The following RFTN2 variants were observed in gnomAD, a reference collection of about 807,000 sequenced individuals.
RFTN2 encodes raftlin family member 2.
RFTN2 carries 34 observed loss-of-function variants against 52.7 expected under a neutral mutation model. The ratio of observed to expected loss-of-function variants is 0.64; its 90% CI spans 0.49 to 0.86. RFTN2 has a LOEUF of 0.86. Among genes scored for constraint, RFTN2 ranks in the 40% least tolerant of loss-of-function variants. The probability of loss-of-function intolerance (pLI) is 0.00; values close to 1 mark genes in which losing one functional copy is unlikely to be tolerated. For synonymous variants in RFTN2, 203 were observed against 217.7 expected, an observed-to-expected ratio of 0.93 and a Z score of 0.59; for missense variants, 536 against 600.1, an observed-to-expected ratio of 0.89 and a Z score of 1.12.
At chr2:197,618,061 C>T (rs920657390) in intron 5 of RFTN2, 140 bp from the exon 6 acceptor site, 20 of 421,444 alleles carry the variant, frequency 4.7e-5, no homozygotes, top group Admixed American at 1.8e-4. Context: ...CCTCCCCCTC[C>T]CCCTCTCCCT....
chr2:197,580,571 T>C (rs1356985057), intron 8 of RFTN2, among the ~76,000 whole-genome samples: 4 of 152,248 alleles, frequency 2.6e-5, no homozygotes, highest in African/African-American at 9.6e-5. Context: ...CCAGATCTTC[T>C]CAGCTTAAAG....
intron 4 of RFTN2, among the ~76,000 whole-genome samples, chr2:197,632,934 C>T (rs1401653181): frequency 6.6e-6 from 1 of 152,168 alleles, no homozygotes; most frequent in Non-Finnish European, 1.5e-5. Flanking sequence ...ACTTTGTAGA[C>T]ATTTCTTATT....
At chr2:197,594,899 A>G (rs1366159665) in intron 8 of RFTN2, among the ~76,000 whole-genome samples, 1 of 152,246 alleles carries the variant, frequency 6.6e-6, no homozygotes, top group Non-Finnish European at 1.5e-5. Context: ...GATAGTTTAG[A>G]TAACTTTAAA....
chr2:197,571,953 T>G lies in RFTN2; in HGVS notation c.*55A>C. ...AGAGAAAGTAATACAATAAGGTCAG[T>G]TGGCAATGATTTTAACAATTATTTA... On this transcript the variant is annotated 3_prime_UTR_variant, in exon 9 of 9. Transcript: ENST00000295049. The G allele has an allele frequency of 7.8e-6, 12 of 1,547,778 alleles. No homozygotes were observed. The highest frequency in any genetic ancestry group is 9.8e-6 in the Non-Finnish European group (11 of 1,123,606).
At chr2:197,657,600 A>G (rs1293041548) in intron 1 of RFTN2, among the ~76,000 whole-genome samples, 4 of 152,156 alleles carry the variant, frequency 2.6e-5, no homozygotes, top group African/African-American at 9.7e-5. Flanking sequence ...TCATTTACAC[A>G]TGGTTTTAAA....
At chr2:197,636,068 G>C (rs2088560586) in intron 3 of RFTN2, among the ~76,000 whole-genome samples, 2 of 150,840 alleles carry the variant, frequency 1.3e-5, no homozygotes, top group South Asian at 4.2e-4. Flanking sequence ...CGTTATTTCT[G>C]AGGGCTCTGT....
At chr2:197,605,688 A>C (rs2087950869) in intron 7 of RFTN2, among the ~76,000 whole-genome samples, 1 of 152,180 alleles carries the variant, frequency 6.6e-6, no homozygotes, top group African/African-American at 2.4e-5. Flanking sequence ...AGTAGACATC[A>C]CTAATTGAAT....
At chr2:197,611,419 T>C (rs994292903) in intron 7 of RFTN2, among the ~76,000 whole-genome samples, 2 of 152,338 alleles carry the variant, frequency 1.3e-5, no homozygotes, top group African/African-American at 4.8e-5. Flanking sequence ...TATAGTATTC[T>C]CTGATAGTAG....
intron 7 of RFTN2, among the ~76,000 whole-genome samples, chr2:197,603,433 C>G (rs1319855139): frequency 6.6e-6 from 1 of 152,120 alleles, no homozygotes; most frequent in Non-Finnish European, 1.5e-5. Flanking sequence ...ATAAAGGACT[C>G]TTTATCTGTT....
chr2:197,658,178 T>C (rs944885428), intron 1 of RFTN2, among the ~76,000 whole-genome samples: 1 of 86,696 alleles, frequency 1.2e-5, no homozygotes, highest in East Asian at 2.5e-4. Flanking sequence ...TTTTAAAAAA[T>C]ATTTTTTTTT....
rs2087302526 is a variant in RFTN2 at position 197,570,747 on chromosome 2, A to C, written c.*1261T>G. On this transcript the variant is annotated 3_prime_UTR_variant, in exon 9 of 9. Coordinates refer to ENST00000295049, the MANE Select transcript of RFTN2 (RefSeq NM_144629.3). ...TCCGTCTCAAAAAAAGCCACAAAAA[A>C]CCCCCAAACCAAACATATTATATGA... 6.6e-6 allele frequency: 1 copy of C among 152,042 alleles called. No individual in the cohort carries two copies. Among genetic ancestry groups the C allele is most frequent in the Non-Finnish European group, 1.5e-5 (1 of 68,004 alleles). The allele number at this position is 152,042 out of a possible 1,614,324, so 9.4% of individuals were successfully genotyped here. A position where few individuals can be genotyped will look rare whatever the true frequency, so the allele number is the denominator to read the frequency against.
chr2:197,584,744 C>G (rs977629622), intron 8 of RFTN2, among the ~76,000 whole-genome samples: 3 of 152,162 alleles, frequency 2.0e-5, no homozygotes, highest in Non-Finnish European at 4.4e-5. Context: ...CTACAGAGTA[C>G]AGTCCATTGA....
intron 8 of RFTN2, among the ~76,000 whole-genome samples, chr2:197,572,751 T>G (rs1016133416): frequency 1.3e-5 from 2 of 152,242 alleles, no homozygotes; most frequent in African/African-American, 4.8e-5. Context: ...GGTTTGGCTG[T>G]GTCCCCACCC....
At position 197,571,923 on chromosome 2, in the gene RFTN2, A is replaced by G; in HGVS notation, c.*85T>C. 1 of 1,404,076 alleles carries G rather than the reference A, an allele frequency of 7.1e-7. No individual in the cohort carries two copies. Among genetic ancestry groups the G allele is most frequent in the Non-Finnish European group, 9.9e-7 (1 of 1,014,102 alleles). 87.0% of individuals were successfully genotyped at this position (1,404,076 alleles called of 1,614,324 possible). ...TGGAAAAATTCAAAAATATTACATA[A>G]ATGCAGAGAAAGTAATACAATAAGG... On this transcript the variant is annotated 3_prime_UTR_variant, in exon 9 of 9. Transcript: ENST00000295049.
At chr2:197,626,617 C>CT (rs71012985) in intron 5 of RFTN2, among the ~76,000 whole-genome samples, 1,567 of 90,822 alleles carry the variant, frequency 0.017, 159 homozygotes, top group African/African-American at 0.067. Flanking sequence ...GAATAATCTT[C>CT]TTTTTTTTTT....
intron 7 of RFTN2, among the ~76,000 whole-genome samples, chr2:197,599,454 C>T (rs1290742912): frequency 1.3e-5 from 2 of 152,032 alleles, no homozygotes; most frequent in Non-Finnish European, 2.9e-5. Flanking sequence ...CTGGCAGCAA[C>T]CCCAAATTAT....
chr2:197,660,733 A>G (rs923911687), intron 1 of RFTN2, among the ~76,000 whole-genome samples: 2 of 151,516 alleles, frequency 1.3e-5, no homozygotes, highest in African/African-American at 2.4e-5. Context: ...TAATTTTTGT[A>G]TTTTTAGTAG....
At chr2:197,642,760 G>C (rs1040594115) in intron 3 of RFTN2, among the ~76,000 whole-genome samples, 1 of 152,154 alleles carries the variant, frequency 6.6e-6, no homozygotes, top group South Asian at 2.1e-4. Flanking sequence ...ATGGCAGTAG[G>C]ATCGATTGAG....
intron 7 of RFTN2, among the ~76,000 whole-genome samples, chr2:197,608,882 G>A (rs1574703406): frequency 6.6e-6 from 1 of 152,050 alleles, no homozygotes; most frequent in African/African-American, 2.4e-5. Flanking sequence ...AACATGCGAT[G>A]TTTGGTTTTC....
Sources: allele counts gnomAD v4.1 joint callset (sites outside exome capture counted in the v4.1 genomes callset), GRCh38; gene constraint gnomAD v4.1.1; transcripts MANE v1.5; gene names NCBI Gene and HGNC (gene_info 2026-07-23, HGNC 2026-07-21).